The following POR variants were observed in gnomAD, a reference collection of about 807,000 sequenced individuals.
POR encodes the protein cytochrome p450 oxidoreductase, also known as NADPH--cytochrome P450 reductase.
POR carries 56 observed loss-of-function variants against 84.0 expected under a neutral mutation model. The observed-to-expected ratio is 0.67, with a 90% confidence interval of 0.54 to 0.83. The LOEUF is 0.83. Ranked by LOEUF, POR falls within the 40% of genes least tolerant of loss-of-function variation. The pLI is 0.00. For missense variants in POR, 938 were observed against 944.3 expected, an observed-to-expected ratio of 0.99 and a Z score of 0.09; for synonymous variants, 414 against 400.5, an observed-to-expected ratio of 1.03 and a Z score of -0.40.
intron 1 of POR, among the ~76,000 whole-genome samples, chr7:75,933,395 T>G (rs553322963): frequency 0.011 from 1,363 of 119,204 alleles, 35 homozygotes; most frequent in African/African-American, 0.047. Context: ...TTTTTTTTTT[T>G]TTTTTTTTTT....
At chr7:75,964,897 A>T (rs1401372178) in intron 2 of POR, among the ~76,000 whole-genome samples, 1 of 152,120 alleles carries the variant, frequency 6.6e-6, no homozygotes, top group Non-Finnish European at 1.5e-5. Flanking sequence ...TTAGCTGGGC[A>T]TGGTGGTGTG....
chr7:75,920,861 G>C lies in POR; in HGVS notation c.-5+5682G>C, dbSNP rs570716574. 1.3e-4 allele frequency among the ~76,000 whole-genome samples: 20 copies of C among 152,296 alleles called. No individual in the cohort carries two copies. In the South Asian group the frequency reaches 4.1e-3, roughly 32 times the overall value. On this transcript the variant is annotated intron_variant, in intron 1 of 15. Coordinates refer to ENST00000461988, the MANE Select transcript of POR (RefSeq NM_000941.3). ...AGGGATGGCAGTTCTTGAATACACA[G>C]GAGAGTGCATTAGCCAGTGGTGCCC... is the stretch of plus-strand genomic sequence containing the variant.
At chr7:75,916,711 G>A (rs1554548117) in intron 1 of POR, among the ~76,000 whole-genome samples, 1 of 152,086 alleles carries the variant, frequency 6.6e-6, no homozygotes, top group East Asian at 1.9e-4. Context: ...AAATTCTTCA[G>A]GTCTAGCACT....
At chr7:75,970,395 C>A (rs965985671) in intron 2 of POR, among the ~76,000 whole-genome samples, 1 of 150,708 alleles carries the variant, frequency 6.6e-6, no homozygotes, top group Non-Finnish European at 1.5e-5. Flanking sequence ...GTCATGTGAT[C>A]GCACAGTGGT....
chr7:75,940,786 A>G (rs782197293), intron 1 of POR, among the ~76,000 whole-genome samples: 13 of 149,280 alleles, frequency 8.7e-5, no homozygotes, highest in Non-Finnish European at 1.5e-4. Flanking sequence ...TCCATCTCAA[A>G]AAAGAAAAAA....
chr7:75,939,916 T>G (rs1371331719), intron 1 of POR, among the ~76,000 whole-genome samples: 3 of 151,200 alleles, frequency 2.0e-5, no homozygotes, highest in Non-Finnish European at 4.4e-5. Flanking sequence ...CCCTCTTTAC[T>G]CTTATTATAT....
chr7:75,923,908 A>G (rs1554549156), intron 1 of POR, among the ~76,000 whole-genome samples: 1 of 151,998 alleles, frequency 6.6e-6, no homozygotes, highest in Non-Finnish European at 1.5e-5. Context: ...AAAAAAGAAA[A>G]GAAAAGACAG....
chr7:75,949,840 G>C (rs1787337124), intron 1 of POR, among the ~76,000 whole-genome samples: 1 of 151,394 alleles, frequency 6.6e-6, no homozygotes, highest in African/African-American at 2.4e-5. Flanking sequence ...TTTTGATCAG[G>C]GAGGGGACAT....
At chr7:75,918,951 G>T (rs1189096525) in intron 1 of POR, among the ~76,000 whole-genome samples, 1 of 151,986 alleles carries the variant, frequency 6.6e-6, no homozygotes, top group Non-Finnish European at 1.5e-5. Flanking sequence ...AAGAGATGGG[G>T]AGGTGTTTTA....
intron 1 of POR, among the ~76,000 whole-genome samples, chr7:75,936,448 A>T (rs1807691730): frequency 6.6e-6 from 1 of 152,032 alleles, no homozygotes; most frequent in Non-Finnish European, 1.5e-5. Context: ...CCCTAGAGCC[A>T]CTTTCTGAGT....
intron 1 of POR, among the ~76,000 whole-genome samples, chr7:75,947,632 T>C (rs1787239395): frequency 1.3e-5 from 2 of 152,174 alleles, no homozygotes; most frequent in South Asian, 4.1e-4. Flanking sequence ...TAAATGTTTT[T>C]GATTTCTGCA....
intron 1 of POR, among the ~76,000 whole-genome samples, chr7:75,928,663 G>A (rs960669859): frequency 2.6e-5 from 4 of 152,118 alleles, no homozygotes; most frequent in East Asian, 1.9e-4. Flanking sequence ...CACACTAGAC[G>A]TTGCTTAGAG....
chr7:75,984,634 A>T, intron 10 of POR, 143 bp from the exon 11 acceptor site: 1 of 721,430 alleles, frequency 1.4e-6, no homozygotes, highest in Non-Finnish European at 2.4e-6. Context: ...GGGAGGCATC[A>T]GAGAGCATAG....
At position 75,980,365 on chromosome 7, in the gene POR, C is replaced by G. The variant is rs782166276; in HGVS notation, c.393C>G (p.Ile131Met). The change falls in exon 5 of 16, where the codon ATC becomes ATG. Residue 131 changes from isoleucine to methionine, a missense_variant. Coordinates refer to ENST00000461988, the MANE Select transcript of POR (RefSeq NM_000941.3). ...CCGACCTGAGCAGCCTGCCAGAGAT[C>G]GACAACGCCCTGGTGGTTTTCTGCA... The G allele has an allele frequency of 4.3e-6, 7 of 1,612,932 alleles. No homozygotes were observed. The African/African-American group carries it at 5.3e-5, about 12-fold the overall frequency.
intron 3 of POR, among the ~76,000 whole-genome samples, chr7:75,973,775 C>T (rs898386494): frequency 1.5e-4 from 22 of 148,538 alleles, no homozygotes; most frequent in African/African-American, 2.5e-4. Context: ...TTCACCTCCT[C>T]GGTTCAAGTG....
intron 1 of POR, among the ~76,000 whole-genome samples, chr7:75,950,396 C>T (rs1454378524): frequency 1.3e-5 from 2 of 152,164 alleles, no homozygotes; most frequent in African/African-American, 4.8e-5. Context: ...AATGAGGGGA[C>T]CGGTCACTTG....
At chr7:75,943,591 C>T (rs1486673929) in intron 1 of POR, among the ~76,000 whole-genome samples, 1 of 152,148 alleles carries the variant, frequency 6.6e-6, no homozygotes, top group Non-Finnish European at 1.5e-5. Context: ...CCTTTTTCTG[C>T]CCCCCACATT....
At chr7:75,982,575 C>T (rs1455576827) in intron 8 of POR, among the ~76,000 whole-genome samples, 1 of 152,248 alleles carries the variant, frequency 6.6e-6, no homozygotes, top group Non-Finnish European at 1.5e-5. Context: ...CACTTCTCGA[C>T]TAGGACAGTG....
chr7:75,980,512 G>C (rs782612317), intron 5 of POR, 24 bp downstream of exon 5: 1 of 1,612,692 alleles, frequency 6.2e-7, no homozygotes, highest in Non-Finnish European at 8.5e-7. Flanking sequence ...AGACTGCTAT[G>C]GGCTCCCGGT....
Sources: gnomAD v4.1 joint callset for allele counts (sites outside exome capture counted in the v4.1 genomes callset) on GRCh38, gnomAD v4.1.1 for gene constraint, MANE v1.5 for transcripts, NCBI Gene and HGNC (gene_info 2026-07-23, HGNC 2026-07-21) for gene names.